Variants in THAP12 observed in about 807,000 individuals in gnomAD.
THAP12 encodes the protein 52 kDa repressor of the inhibitor of the protein kinase.
THAP12 carries 20 observed loss-of-function variants against 63.0 expected under a neutral mutation model. The ratio of observed to expected loss-of-function variants is 0.32; its 90% CI spans 0.22 to 0.46. THAP12 has a LOEUF of 0.46. Ranked by LOEUF, THAP12 falls within the 20% of genes least tolerant of loss-of-function variation. The probability of loss-of-function intolerance (pLI) is 1.00; values close to 1 mark genes in which losing one functional copy is unlikely to be tolerated. For missense variants in THAP12, 568 were observed against 908.2 expected (o/e 0.63, Z 4.81); for synonymous variants, 264 against 328.4 (o/e 0.80, Z 2.12).
At position 76,352,109 on chromosome 11, in the gene THAP12, A is replaced by G. The variant is rs776585447; in HGVS notation, c.1041T>C (p.Leu347=). The change falls in exon 5 of 5, where the codon CTT becomes CTC. Residue 347 remains leucine, a synonymous_variant. Coordinates refer to ENST00000260045, the MANE Select transcript of THAP12 (RefSeq NM_004705.4). ...AGATAGCTTGGGGATATTTCTCTAA[A>G]AGTCTAGAAGCAACAACTTTCATTT... ...SSKMKVVASR[L]LEKYPQAIYT... 1 of 1,611,996 alleles carries G rather than the reference A, an allele frequency of 6.2e-7. No individual in the cohort carries two copies. The highest frequency in any genetic ancestry group is 8.5e-7 in the Non-Finnish European group (1 of 1,179,824).
intron 1 of THAP12, among the ~76,000 whole-genome samples, chr11:76,379,189 C>A (rs907294234): frequency 6.6e-6 from 1 of 152,126 alleles, no homozygotes; most frequent in Non-Finnish European, 1.5e-5. Flanking sequence ...AATCTACCTC[C>A]AAACCATTAG....
chr11:76,376,954 T>A (rs1366518983), intron 1 of THAP12, among the ~76,000 whole-genome samples: 3 of 152,174 alleles, frequency 2.0e-5, no homozygotes, highest in African/African-American at 7.2e-5. Flanking sequence ...TAACGCATAA[T>A]GGGGCAAGGC....
chr11:76,355,647 T>A lies in THAP12; in HGVS notation c.326A>T (p.Asp109Val). The A allele has an allele frequency of 6.3e-7, 1 of 1,594,796 alleles. No individual in the cohort carries two copies. Among genetic ancestry groups the A allele is most frequent in the African/African-American group, 1.3e-5 (1 of 74,160 alleles). ...TTTCTGTTTCAGTGTCCTGATTTCA[T>A]CTTCACTCTAAATGTCAAGAAAAAA... ...HRKRIKELSE[D>V]EIRTLKQKKI... Residue 109 changes from aspartate (D) to valine (V), a missense_variant, in exon 4 of 5, where the codon GAT (aspartate) becomes GTT (valine). By Grantham distance (152) the Asp-to-Val change is radical. Transcript: ENST00000260045.
intron 1 of THAP12, among the ~76,000 whole-genome samples, chr11:76,367,878 C>T (rs1180791686): frequency 6.6e-6 from 1 of 152,080 alleles, no homozygotes; most frequent in Non-Finnish European, 1.5e-5. Flanking sequence ...AAAAACTACA[C>T]CTAAATTGTA....
At chr11:76,365,739 G>A in intron 2 of THAP12, 113 bp downstream of exon 2, 2 of 1,278,030 alleles carry the variant, frequency 1.6e-6, no homozygotes, top group Non-Finnish European at 2.1e-6. Context: ...TCTTAAAGTG[G>A]CAGGATATAG....
intron 1 of THAP12, among the ~76,000 whole-genome samples, chr11:76,368,825 C>T (rs1181917616): frequency 6.6e-6 from 1 of 152,170 alleles, no homozygotes; most frequent in Non-Finnish European, 1.5e-5. Context: ...AAAGATAACA[C>T]AGGAGATTAT....
intron 1 of THAP12, among the ~76,000 whole-genome samples, chr11:76,379,471 T>G (rs977761037): frequency 6.6e-6 from 1 of 152,162 alleles, no homozygotes; most frequent in Non-Finnish European, 1.5e-5. Context: ...TACACACACC[T>G]TTCTGGTCTC....
At position 76,351,629 on chromosome 11, in the gene THAP12, G is replaced by C; in HGVS notation, c.1521C>G (p.Val507=). 6.3e-7 allele frequency: 1 copy of C among 1,579,698 alleles called. No individual in the cohort carries two copies. The highest frequency in any genetic ancestry group is 1.7e-4 in the Middle Eastern group (1 of 5,880). ...GKNLQGQTSD[V]FFAAGSLTAV... Reference sequence around the variant, plus strand: ...CAGTCAAGCTACCGGCCGCAAAGAAGACATCAGAGGTTTGCCCCTGGAGGT... The same window carrying C: ...CAGTCAAGCTACCGGCCGCAAAGAACACATCAGAGGTTTGCCCCTGGAGGT... Residue 507 remains valine (V), a synonymous_variant, in exon 5 of 5, where the codon GTC becomes GTG. Transcript: ENST00000260045.
intron 2 of THAP12, 46 bp from the exon 3 acceptor site, chr11:76,361,109 T>C (rs778390874): frequency 8.2e-7 from 1 of 1,217,980 alleles, no homozygotes; most frequent in South Asian, 1.3e-5. Flanking sequence ...CTTATAAATA[T>C]ATTACACATC....
At chr11:76,356,566 C>A (rs906819672) in intron 3 of THAP12, 2 of 152,170 alleles carry the variant, frequency 1.3e-5, no homozygotes, top group African/African-American at 4.8e-5. Flanking sequence ...TTTAACCAAC[C>A]ATGCATTGAA....
At chr11:76,377,178 C>A (rs933356817) in intron 1 of THAP12, among the ~76,000 whole-genome samples, 1 of 152,212 alleles carries the variant, frequency 6.6e-6, no homozygotes, top group Non-Finnish European at 1.5e-5. Flanking sequence ...TTTACAATTT[C>A]CGGTTTGAAA....
Position 76,358,114 on chromosome 11 carries a change from C to T in THAP12, c.319-2460G>A, listed in dbSNP as rs1398802573. 7.3e-5 allele frequency: 11 copies of T among 151,702 alleles called. No homozygotes were observed. In the South Asian group the frequency reaches 1.2e-3, roughly 17 times the overall value. 9.4% of individuals were successfully genotyped at this position (151,702 alleles called of 1,614,324 possible). ...GCAATCAAAACTTTCCCTCATCCACCGCAAGCCATCTAATGGTTTTACCAA... is the reference window on the plus strand; with the variant it reads ...GCAATCAAAACTTTCCCTCATCCACTGCAAGCCATCTAATGGTTTTACCAA... On this transcript the variant is annotated intron_variant, in intron 3 of 4. Coordinates refer to ENST00000260045, the MANE Select transcript of THAP12 (RefSeq NM_004705.4).
intron 1 of THAP12, among the ~76,000 whole-genome samples, chr11:76,373,904 C>T (rs972975554): frequency 7.9e-5 from 12 of 152,010 alleles, no homozygotes; most frequent in African/African-American, 2.7e-4. Context: ...AAAATACCAA[C>T]CTTATGTTAA....
chr11:76,370,830 G>A (rs7481891), intron 1 of THAP12, among the ~76,000 whole-genome samples: 787 of 135,258 alleles, frequency 5.8e-3, no homozygotes, highest in Middle Eastern at 0.011. Context: ...CAAAAAAAAA[G>A]AAAAAAAAAA....
chr11:76,359,159 T>C (rs887248066), intron 3 of THAP12: 11 of 152,186 alleles, frequency 7.2e-5, no homozygotes, highest in African/African-American at 2.4e-4. Context: ...GTAAGAACCA[T>C]AATGTATTTA....
rs1221143513 is a variant in THAP12 at position 76,352,755 on chromosome 11, G to C, written c.395C>G (p.Thr132Ser). The C allele has an allele frequency of 9.1e-6, 14 of 1,532,050 alleles. 1 individual carries two copies. The South Asian group carries it at 1.8e-4, about 19-fold the overall frequency. The allele number at this position is 1,532,050 out of a possible 1,614,324, so 94.9% of individuals were successfully genotyped here. A position where few individuals can be genotyped will look rare whatever the true frequency, so the allele number is the denominator to read the frequency against. The change falls in exon 5 of 5, where the codon ACC becomes AGC. Residue 132 changes from threonine to serine, a missense_variant. By Grantham distance (58) the Thr-to-Ser change is moderately conservative (BLOSUM62 1). Coordinates refer to ENST00000260045, the MANE Select transcript of THAP12 (RefSeq NM_004705.4). ...GGGGTTCTGAGCATTGCTATTGTTG[G>C]TTTCTTTATGTTTTTGTTCCTGCTC... ...TSEQEQKHKE[T>S]NNSNAQNPSE...
chr11:76,354,074 A>G (rs981784937), intron 4 of THAP12, among the ~76,000 whole-genome samples: 1 of 152,226 alleles, frequency 6.6e-6, no homozygotes, highest in Admixed American at 6.5e-5. Context: ...ATTTGATGAC[A>G]AGGATAAATA....
Position 76,351,858 on chromosome 11 carries a change from T to C in THAP12, c.1292A>G (p.His431Arg). The C allele has an allele frequency of 6.2e-7, 1 of 1,603,810 alleles. No homozygotes were observed. The highest frequency in any genetic ancestry group is 8.5e-7 in the Non-Finnish European group (1 of 1,174,394). The change falls in exon 5 of 5, where the codon CAT (histidine) becomes CGT (arginine). Residue 431 changes from histidine (H) to arginine (R), a missense_variant. By Grantham distance (29) the His-to-Arg change is conservative (BLOSUM62 0). Coordinates refer to ENST00000260045, the MANE Select transcript of THAP12 (RefSeq NM_004705.4). ...TTCCACTAAAATTTCAAAAGCATCATGCCTGCCTGTCCACTGAGAATGGCA... is the reference window on the plus strand; with the variant it reads ...TTCCACTAAAATTTCAAAAGCATCACGCCTGCCTGTCCACTGAGAATGGCA... ...EICHSQWTGRHDAFEILVELL... is the reference protein window; with the variant it reads ...EICHSQWTGRRDAFEILVELL...
In THAP12 at chr11:76,361,077, T is replaced by C. The variant is rs375849661; in HGVS notation, c.211-14A>G. On this transcript the variant is annotated splice_polypyrimidine_tract_variant and intron_variant, in intron 2 of 4. Coordinates refer to ENST00000260045, the MANE Select transcript of THAP12 (RefSeq NM_004705.4). ...CCTATAAGGACTCTGAAAAAGAAAATTGTGTTAATTCAGAGATGGTCCTTA... is the reference window on the plus strand; with the variant it reads ...CCTATAAGGACTCTGAAAAAGAAAACTGTGTTAATTCAGAGATGGTCCTTA... 41 of 1,525,958 alleles carry C rather than the reference T, an allele frequency of 2.7e-5. No homozygotes were observed. Among genetic ancestry groups the C allele is most frequent in the East Asian group, 6.8e-5 (3 of 44,392 alleles). The allele number at this position is 1,525,958 out of a possible 1,614,324, so 94.5% of individuals were successfully genotyped here.
Sources: gnomAD v4.1 joint callset for allele counts (sites outside exome capture counted in the v4.1 genomes callset) on GRCh38, gnomAD v4.1.1 for gene constraint, MANE v1.5 for transcripts, NCBI Gene and HGNC (gene_info 2026-07-23, HGNC 2026-07-21) for gene names.